Variants in NDUFS2 observed in about 807,000 individuals in gnomAD.
The protein encoded by NDUFS2 is NADH:ubiquinone oxidoreductase core subunit S2.
Under a neutral mutation model 69.6 loss-of-function variants are expected in NDUFS2, and 38 were observed. The ratio of observed to expected loss-of-function variants is 0.55; its 90% CI spans 0.42 to 0.72. The LOEUF is 0.72. Ranked by LOEUF, NDUFS2 falls within the 30% of genes least tolerant of loss-of-function variation. The probability of loss-of-function intolerance (pLI) is 0.00; values close to 1 mark genes in which losing one functional copy is unlikely to be tolerated. For synonymous variants in NDUFS2, 194 were observed against 211.2 expected (o/e 0.92, Z 0.70); for missense variants, 468 against 595.0 (o/e 0.79, Z 2.22).
At chr1:161,202,515 C>T (rs1448568091) in intron 1 of NDUFS2, 35 bp downstream of exon 1, 1 of 1,580,936 alleles carries the variant, frequency 6.3e-7, no homozygotes, top group South Asian at 1.1e-5. Context: ...ACACTTTCTC[C>T]AAGGCTAGGG....
At chr1:161,204,412 C>A (rs1665343571) in intron 2 of NDUFS2, among the ~76,000 whole-genome samples, 1 of 152,146 alleles carries the variant, frequency 6.6e-6, no homozygotes, top group Non-Finnish European at 1.5e-5. Flanking sequence ...CATATCTGGT[C>A]ATCTCTCCCT....
intron 6 of NDUFS2, 57 bp from the exon 7 acceptor site, chr1:161,210,054 G>C (rs1665689247): frequency 1.3e-6 from 2 of 1,594,862 alleles, no homozygotes; most frequent in Non-Finnish European, 8.6e-7. Flanking sequence ...GGTGCTGAGA[G>C]GGCTCTCCTT....
Position 161,209,331 on chromosome 1 carries a change from T to C in NDUFS2, c.514+18T>C, listed in dbSNP as rs1571614560. On this transcript the variant is annotated intron_variant, in intron 4 of 13. Transcript: ENST00000676972. ...GATCCGAGGTATGTCCCCCCAACTT[T>C]TTCTGTGGCCCACTGTGAGCATAGC... The C allele has an allele frequency of 1.2e-6, 2 of 1,614,150 alleles. No homozygotes were observed. Among genetic ancestry groups the C allele is most frequent in the South Asian group, 1.1e-5 (1 of 91,088 alleles).
chr1:161,206,938 G>T lies in NDUFS2; in HGVS notation c.393+341G>T, dbSNP rs1389561197. 3.3e-5 allele frequency among the ~76,000 whole-genome samples: 5 copies of T among 152,186 alleles called. No homozygotes were observed. The East Asian group carries it at 9.6e-4, about 29-fold the overall frequency. On this transcript the variant is annotated intron_variant, in intron 3 of 13. Coordinates refer to ENST00000676972, the MANE Select transcript of NDUFS2 (RefSeq NM_001377299.1). ...CAGTGTCCCTAGGGGCAGGGAAAGA[G>T]AAAAGACATTAGCTCGCTAAGTTTA...
At chr1:161,209,990 C>CT (rs1392571459) in intron 6 of NDUFS2, 59 bp downstream of exon 6, 8 of 1,604,230 alleles carry the variant, frequency 5.0e-6, no homozygotes, top group Non-Finnish European at 6.8e-6. Flanking sequence ...CCTGTGGCCA[C>CT]TGGAGGGCAG....
intron 2 of NDUFS2, chr1:161,203,874 T>TA: frequency 2.7e-6 from 1 of 375,814 alleles, no homozygotes; most frequent in Non-Finnish European, 5.1e-6. Context: ...AGTGCTGAGA[T>TA]ACAGGCTTGA....
chr1:161,213,933 A>G lies in NDUFS2; in HGVS notation c.1354+12A>G, dbSNP rs2102058592. On this transcript the variant is annotated intron_variant, in intron 13 of 13. Transcript: ENST00000676972. ...CGTTGCCATCATAGGTACGAGGCCT[A>G]TTGTGTAGTAGAGGTATCCTAGACA... 1 of 1,614,184 alleles carries G rather than the reference A, an allele frequency of 6.2e-7. No individual in the cohort carries two copies. Among genetic ancestry groups the G allele is most frequent in the South Asian group, 1.1e-5 (1 of 91,082 alleles).
At chr1:161,205,048 CAAA>C (rs57271297) in intron 2 of NDUFS2, among the ~76,000 whole-genome samples, 2 of 111,468 alleles carry the variant, frequency 1.8e-5, no homozygotes, top group Non-Finnish European at 3.8e-5. Flanking sequence ...AAGACTGTCT[CAAA>C]AAAAAAAAAA....
In NDUFS2 at chr1:161,210,323, T is replaced by C. The variant is rs2102048408; in HGVS notation, c.800T>C (p.Ile267Thr). The C allele has an allele frequency of 1.9e-6, 3 of 1,613,932 alleles. No homozygotes were observed. The highest frequency in any genetic ancestry group is 3.3e-4 in the Middle Eastern group (2 of 6,062). Reference protein sequence around the residue: ...ELEELLTNNRIWRNRTIDIGV... With the variant: ...ELEELLTNNRTWRNRTIDIGV... The stretch of plus-strand genomic sequence containing the variant: ...CAATAGTTGCTGACCAACAATAGGA[T>C]CTGGCGAAATCGGACAATTGACATT... The change falls in exon 8 of 14, where the codon ATC (isoleucine) becomes ACC (threonine). Residue 267 changes from isoleucine to threonine, a missense_variant. Ile to Thr is a moderately conservative substitution (Grantham distance 89, BLOSUM62 -1). Around this residue, in one of 3 missense-constraint regions of NDUFS2, gnomAD observed 339 missense variants for 433.8 expected, o/e 0.78. Transcript: ENST00000676972.
chr1:161,206,336 A>G (rs1457551518), intron 2 of NDUFS2, 71 bp from the exon 3 acceptor site: 1 of 1,503,176 alleles, frequency 6.7e-7, no homozygotes, highest in Non-Finnish European at 9.2e-7. Flanking sequence ...GGGAGAGGCT[A>G]ACTCCTTGCT....
chr1:161,203,315 C>CA (rs1030495848), intron 1 of NDUFS2, 122 bp from the exon 2 acceptor site: 4 of 853,358 alleles, frequency 4.7e-6, no homozygotes, highest in African/African-American at 3.4e-5. Context: ...TCAAAAAAAA[C>CA]AAAAAACAAA....
At chr1:161,205,634 G>A (rs1482925591) in intron 2 of NDUFS2, among the ~76,000 whole-genome samples, 3 of 152,094 alleles carry the variant, frequency 2.0e-5, no homozygotes, top group Non-Finnish European at 4.4e-5. Flanking sequence ...TGGGCATGGT[G>A]GTGTGCGCCT....
chr1:161,198,647 G>C, upstream of NDUFS2: 2 of 1,485,012 alleles, frequency 1.3e-6, no homozygotes, highest in Non-Finnish European at 1.8e-6. This position sits in a 1 kb window ranked among gnomAD's most constrained non-coding sequence, Gnocchi z 4.7. Context: ...ACTGCAGCTG[G>C]GAGGGACTGA....
chr1:161,213,997 A>T (rs969038902), intron 13 of NDUFS2, 76 bp downstream of exon 13: 18 of 1,613,680 alleles, frequency 1.1e-5, no homozygotes, highest in Non-Finnish European at 1.5e-5. Context: ...GAAGGAGAAC[A>T]CTTCCTGTTC....
intron 1 of NDUFS2, 92 bp from the exon 2 acceptor site, chr1:161,203,345 C>T (rs1433035746): frequency 9.2e-7 from 1 of 1,083,142 alleles, no homozygotes; most frequent in South Asian, 1.3e-5. Context: ...AAAAACAGGT[C>T]ATCCTTCCTG....
At chr1:161,213,807 T>G (rs778049057) in intron 12 of NDUFS2, 57 bp from the exon 13 acceptor site, 55 of 1,612,348 alleles carry the variant, frequency 3.4e-5, no homozygotes, top group Non-Finnish European at 4.4e-5. Context: ...TGAACTCTTC[T>G]TTCTCCTCCC....
chr1:161,198,496 A>G (rs1664965794), upstream of NDUFS2: 2 of 1,567,240 alleles, frequency 1.3e-6, no homozygotes, highest in East Asian at 4.7e-5. This position sits in a 1 kb window ranked among gnomAD's most constrained non-coding sequence, Gnocchi z 4.7. Flanking sequence ...AGGGCAGGAG[A>G]GAGGCCAGCA....
chr1:161,206,703 G>A lies in NDUFS2; in HGVS notation c.393+106G>A, dbSNP rs184257971. 162 of 1,205,350 alleles carry A rather than the reference G, an allele frequency of 1.3e-4. No individual in the cohort carries two copies. The African/African-American group carries it at 1.8e-3, about 13-fold the overall frequency. 74.7% of individuals were successfully genotyped at this position (1,205,350 alleles called of 1,614,324 possible). A position where few individuals can be genotyped will look rare whatever the true frequency, so the allele number is the denominator to read the frequency against. ...ACGTGAGGGGAGGAAGGTGTTGAGA[G>A]GAGTAACCCGTTGAGATTACTCTTG... On this transcript the variant is annotated intron_variant, in intron 3 of 13. Coordinates refer to ENST00000676972, the MANE Select transcript of NDUFS2 (RefSeq NM_001377299.1).
In NDUFS2 at chr1:161,202,763, A is replaced by G. The variant is rs1665215738; in HGVS notation, c.95+283A>G. 2.6e-5 allele frequency among the ~76,000 whole-genome samples: 4 copies of G among 152,192 alleles called. 1 individual carries two copies. In the East Asian group the frequency reaches 5.8e-4, roughly 22 times the overall value. ...GTCATACCTGAGTAGAGCTCAGCCA[A>G]AGAGCCAGAATGCTCGCTGTCTCTC... On this transcript the variant is annotated intron_variant, in intron 1 of 13. Transcript: ENST00000676972.
Sources: gnomAD v4.1 joint callset for allele counts (sites outside exome capture counted in the v4.1 genomes callset) on GRCh38, gnomAD v4.1.1 for gene constraint, gnomAD v4.1.1 regional missense constraint, Gnocchi (gnomAD v3.1) non-coding constraint, MANE v1.5 for transcripts, NCBI Gene and HGNC (gene_info 2026-07-23, HGNC 2026-07-21) for gene names.